The following ABCD3 variants were observed in gnomAD, a reference collection of about 807,000 sequenced individuals.
ABCD3 encodes the protein ATP-binding cassette sub-family D member 3.
In ABCD3, 41 loss-of-function variants were observed where a neutral mutation model predicts 105.5. The observed-to-expected ratio is 0.39, with a 90% confidence interval of 0.30 to 0.50. ABCD3 has a LOEUF of 0.50. ABCD3 is among the 20% of genes least tolerant of loss of function. The pLI is 0.84. For synonymous variants in ABCD3, 258 were observed against 269.0 expected, an observed-to-expected ratio of 0.96 and a Z score of 0.40; for missense variants, 622 against 806.3, an observed-to-expected ratio of 0.77 and a Z score of 2.77.
In ABCD3 at chr1:94,467,961, A is replaced by G; in HGVS notation, c.289A>G (p.Thr97Ala). ...TATTGCTGTTATGCTGGTGTCTCGA[A>G]CATATTGTGATGTTTGGATGATTCA... ...VLIAVMLVSR[T>A]YCDVWMIQNG... Residue 97 changes from threonine to alanine, a missense_variant, in exon 4 of 23, where the codon ACA becomes GCA. This residue lies in a region of ABCD3 where 245 missense variants were observed against 356.4 expected (regional missense o/e 0.69). Coordinates refer to ENST00000370214, the MANE Select transcript of ABCD3 (RefSeq NM_002858.4). 6.2e-7 allele frequency: 1 copy of G among 1,613,622 alleles called. No homozygotes were observed. The highest frequency in any genetic ancestry group is 8.5e-7 in the Non-Finnish European group (1 of 1,179,708).
chr1:94,437,565 G>A (rs1186010318), intron 1 of ABCD3, among the ~76,000 whole-genome samples: 1 of 152,066 alleles, frequency 6.6e-6, no homozygotes, highest in Non-Finnish European at 1.5e-5. Flanking sequence ...AATGTACCTG[G>A]TCACCCAAGA....
intron 1 of ABCD3, among the ~76,000 whole-genome samples, chr1:94,428,137 A>G (rs933302988): frequency 6.6e-6 from 1 of 151,864 alleles, no homozygotes; most frequent in Middle Eastern, 3.4e-3. Flanking sequence ...GTTTTTTTAA[A>G]CACACCTTTC....
upstream of ABCD3, among the ~76,000 whole-genome samples, chr1:94,416,397 C>T (rs1309035004): frequency 6.6e-6 from 1 of 152,162 alleles, no homozygotes; most frequent in African/African-American, 2.4e-5. Context: ...ATAGTACTTA[C>T]CACATTTATA....
chr1:94,450,896 G>A (rs921395249), intron 1 of ABCD3, among the ~76,000 whole-genome samples: 3 of 151,988 alleles, frequency 2.0e-5, no homozygotes, highest in Non-Finnish European at 4.4e-5. Flanking sequence ...AACATCAATC[G>A]GTAATACTTT....
At chr1:94,430,469 A>C (rs1290212551) in intron 1 of ABCD3, among the ~76,000 whole-genome samples, 1 of 152,128 alleles carries the variant, frequency 6.6e-6, no homozygotes, top group African/African-American at 2.4e-5. Context: ...GAGGTAATTG[A>C]ATCATGGGGG....
rs140850225 is a variant in ABCD3 at position 94,431,034 on chromosome 1, T to TA, written c.110+12447dup. Among the ~76,000 whole-genome samples, 229 of 152,342 alleles carry TA rather than the reference T, an allele frequency of 1.5e-3. 1 individual carries two copies. Among genetic ancestry groups the TA allele is most frequent in the African/African-American group, 5.1e-3 (212 of 41,566 alleles). On this transcript the variant is annotated intron_variant, in intron 1 of 22. Transcript: ENST00000370214. ...ACTTCTCTGAAATTTGGATGCAACT[T>TA]ACAATGATGGCATTTAGCTAAAATC...
chr1:94,511,758 A>G (rs1650684174), intron 21 of ABCD3, among the ~76,000 whole-genome samples: 1 of 151,868 alleles, frequency 6.6e-6, no homozygotes. Flanking sequence ...TCCATCACTG[A>G]TACCCTTTCT....
intron 1 of ABCD3, among the ~76,000 whole-genome samples, chr1:94,452,957 T>G (rs2100943895): frequency 6.6e-6 from 1 of 152,206 alleles, no homozygotes; most frequent in Non-Finnish European, 1.5e-5. Flanking sequence ...AGGCTGTTCT[T>G]GAACTCCTGG....
In ABCD3 at chr1:94,493,106, T is replaced by G. The variant is rs964967877; in HGVS notation, c.1386+1859T>G. 2.6e-5 allele frequency among the ~76,000 whole-genome samples: 4 copies of G among 151,596 alleles called. No homozygotes were observed. The East Asian group carries it at 5.8e-4, about 22-fold the overall frequency. On this transcript the variant is annotated intron_variant, in intron 16 of 22. Coordinates refer to ENST00000370214, the MANE Select transcript of ABCD3 (RefSeq NM_002858.4). The stretch of plus-strand genomic sequence containing the variant: ...CCAAAATTGACAAATGGGATCTAAT[T>G]AAACTAAAGAGCTTCTGCACAGCAA...
chr1:94,429,309 C>T (rs1468777722), intron 1 of ABCD3, among the ~76,000 whole-genome samples: 2 of 152,116 alleles, frequency 1.3e-5, no homozygotes, highest in Admixed American at 6.5e-5. Flanking sequence ...GACAATACCA[C>T]AGAAAAGAAA....
chr1:94,491,456 T>G (rs1308284373), intron 16 of ABCD3, among the ~76,000 whole-genome samples: 1 of 152,088 alleles, frequency 6.6e-6, no homozygotes, highest in Non-Finnish European at 1.5e-5. Context: ...ACCAAAAAAC[T>G]TTTTGCAAAT....
In ABCD3 at chr1:94,487,870, C is replaced by T. The variant is rs780409773; in HGVS notation, c.1066-22C>T. 5 of 1,607,006 alleles carry T rather than the reference C, an allele frequency of 3.1e-6. No homozygotes were observed. The Admixed American group carries it at 6.7e-5, about 21-fold the overall frequency. ...TTAGTCATAGAACTATAAGTAAAAA[C>T]TAATATTTATTTCTATTTAAGGATT... On this transcript the variant is annotated intron_variant, in intron 12 of 22. Transcript: ENST00000370214.
At chr1:94,434,499 T>C (rs1357726104) in intron 1 of ABCD3, among the ~76,000 whole-genome samples, 1 of 152,206 alleles carries the variant, frequency 6.6e-6, no homozygotes, top group Non-Finnish European at 1.5e-5. Flanking sequence ...AGTAGTTTCA[T>C]CACCACATAC....
Position 94,518,381 on chromosome 1 carries a change from A to G in ABCD3, c.*1252A>G, listed in dbSNP as rs1448876066. ...CTGGTTTTGTTTTTTTGCAGAATTA[A>G]CTATAACAATCACTGGCTACCGAAG... is the stretch of plus-strand genomic sequence containing the variant. On this transcript the variant is annotated 3_prime_UTR_variant, in exon 23 of 23. Transcript: ENST00000370214. 3 of 152,182 alleles carry G rather than the reference A, an allele frequency of 2.0e-5. No homozygotes were observed. Among genetic ancestry groups the G allele is most frequent in the Non-Finnish European group, 4.4e-5 (3 of 67,756 alleles). 9.4% of individuals were successfully genotyped at this position (152,182 alleles called of 1,614,324 possible).
At chr1:94,390,523 G>A in the ABCD3 span, among the ~76,000 whole-genome samples, 92 of 151,928 alleles carry the variant, frequency 6.1e-4, 2 homozygotes, top group Non-Finnish European at 3.4e-4. Context: ...GGCTGGTCTC[G>A]AACTCCTGGC....
the ABCD3 span, chr1:94,406,712 T>C: frequency 6.3e-6 from 1 of 159,012 alleles, no homozygotes; most frequent in Non-Finnish European, 1.4e-5. Context: ...TATGGCATGG[T>C]AACACTTGTG....
At chr1:94,431,250 A>T (rs371416323) in intron 1 of ABCD3, among the ~76,000 whole-genome samples, 36 of 152,330 alleles carry the variant, frequency 2.4e-4, no homozygotes, top group African/African-American at 8.7e-4. Flanking sequence ...TTGAGATAAA[A>T]TCAGATTTTT....
At chr1:94,408,260 G>A in the ABCD3 span, among the ~76,000 whole-genome samples, 3 of 152,104 alleles carry the variant, frequency 2.0e-5, no homozygotes, top group Admixed American at 6.6e-5. Context: ...AATATACACC[G>A]GGATCAGGGT....
At chr1:94,505,220 A>G (rs1650292876) in intron 20 of ABCD3, among the ~76,000 whole-genome samples, 1 of 151,992 alleles carries the variant, frequency 6.6e-6, no homozygotes, top group Non-Finnish European at 1.5e-5. Context: ...TTGTTTTTTG[A>G]GATAGCGTCT....
Sources: allele counts gnomAD v4.1 joint callset (sites outside exome capture counted in the v4.1 genomes callset), GRCh38; gene constraint gnomAD v4.1.1; regional missense constraint gnomAD v4.1.1; transcripts MANE v1.5; gene names NCBI Gene and HGNC (gene_info 2026-07-23, HGNC 2026-07-21).